The following GRM5 variants were observed in gnomAD, a reference collection of about 807,000 sequenced individuals.
The protein encoded by GRM5 is glutamate metabotropic receptor 5, also known as metabotropic glutamate receptor 5.
In GRM5, 19 loss-of-function variants were observed where a neutral mutation model predicts 83.1. The observed-to-expected ratio is 0.23, with a 90% CI of 0.16 to 0.34. The LOEUF (loss-of-function observed/expected upper bound fraction) is 0.34. GRM5 is among the 10% of genes least tolerant of loss of function. The pLI is 1.00. For missense variants in GRM5, 1,160 were observed against 1,588.3 expected, an observed-to-expected ratio of 0.73 and a Z score of 4.58; for synonymous variants, 675 against 633.6, an observed-to-expected ratio of 1.07 and a Z score of -0.98.
intron 3 of GRM5, among the ~76,000 whole-genome samples, chr11:88,760,610 C>T (rs1313090061): frequency 1.3e-5 from 2 of 152,068 alleles, no homozygotes; most frequent in Non-Finnish European, 2.9e-5. Context: ...TATGGATTCA[C>T]AGCCAAATTC....
At chr11:88,605,030 T>A in intron 4 of GRM5, 66 bp from the exon 5 acceptor site, 1 of 1,312,080 alleles carries the variant, frequency 7.6e-7, no homozygotes, top group Non-Finnish European at 1.1e-6. Context: ...TCCTGGGTAC[T>A]GAATAATGGG....
At chr11:88,823,691 A>G (rs1943843591) in intron 3 of GRM5, among the ~76,000 whole-genome samples, 2 of 152,092 alleles carry the variant, frequency 1.3e-5, no homozygotes, top group African/African-American at 4.8e-5. Flanking sequence ...GCATAGAGAG[A>G]AACTTCTGGC....
chr11:89,040,898 C>T (rs1418258714), intron 2 of GRM5, among the ~76,000 whole-genome samples: 1 of 152,126 alleles, frequency 6.6e-6, no homozygotes, highest in Non-Finnish European at 1.5e-5. Context: ...CTCTTACATG[C>T]TTGCTTAGTT....
chr11:88,938,552 A>ACT (rs1555045039), intron 2 of GRM5, among the ~76,000 whole-genome samples: 1 of 147,784 alleles, frequency 6.8e-6, no homozygotes, highest in Non-Finnish European at 1.5e-5. Context: ...GTATTACTTC[A>ACT]TTTTTTTTTT....
At position 88,509,329 on chromosome 11, in the gene GRM5, C is replaced by A. The variant is rs1941294391; in HGVS notation, c.2902G>T (p.Gly968Cys). The change falls in exon 10 of 10, where the codon GGC becomes TGC. Residue 968 changes from glycine (G) to cysteine (C), a missense_variant. Gly to Cys is a radical substitution (Grantham distance 159). Coordinates refer to ENST00000305447, the MANE Select transcript of GRM5 (RefSeq NM_001143831.3). ...GCCCCCACGCCCCCAGCGCTCCCGC[C>A]TGCGCCAGCGCCAGCGCCCAGGCCA... ...SRGLGAGAGA[G>C]GSAGGVGATG... is the part of the protein sequence containing the mutation. The A allele has an allele frequency of 6.2e-7, 1 of 1,600,356 alleles. No homozygotes were observed. The highest frequency in any genetic ancestry group is 8.5e-7 in the Non-Finnish European group (1 of 1,174,882).
rs757320945 is a variant in GRM5 at position 88,604,840 on chromosome 11, T to G, written c.1272A>C (p.Gly424=). 1.2e-6 allele frequency: 2 copies of G among 1,613,978 alleles called. No homozygotes were observed. The highest frequency in any genetic ancestry group is 2.2e-5 in the East Asian group (1 of 44,872). The part of the protein sequence containing the change: ...MQMSLCPGYA[G]LCDAMKPIDG... ...CAATTGGCTTCATGGCATCACAGAG[T>G]CCTGCATAGCCTGGGCAGAGGGACA... Residue 424 remains glycine, a synonymous_variant, in exon 5 of 10, where the codon GGA becomes GGC. Coordinates refer to ENST00000305447, the MANE Select transcript of GRM5 (RefSeq NM_001143831.3).
chr11:89,032,780 T>G (rs1026368845), intron 2 of GRM5, among the ~76,000 whole-genome samples: 13 of 152,054 alleles, frequency 8.5e-5, no homozygotes, highest in African/African-American at 3.1e-4. Flanking sequence ...CAAGTGTATC[T>G]GAATTCAATG....
intron 2 of GRM5, among the ~76,000 whole-genome samples, chr11:88,883,443 A>G (rs1944993783): frequency 6.6e-6 from 1 of 152,182 alleles, no homozygotes; most frequent in South Asian, 2.1e-4. Flanking sequence ...GGAACTTTCA[A>G]CTTGAGAGAG....
intron 2 of GRM5, among the ~76,000 whole-genome samples, chr11:89,000,588 T>C (rs1432894966): frequency 6.6e-6 from 1 of 152,174 alleles, no homozygotes; most frequent in African/African-American, 2.4e-5. Flanking sequence ...CTTGAAATTA[T>C]TTTAAAATTT....
At chr11:88,681,565 C>CTTTTTT (rs796854617) in intron 3 of GRM5, among the ~76,000 whole-genome samples, 1,550 of 25,366 alleles carry the variant, frequency 0.061, 556 homozygotes, top group Non-Finnish European at 0.095. Context: ...TGAGTTCTTC[C>CTTTTTT]TTTTTTTTTT....
chr11:88,558,618 A>G (rs1050573435), intron 8 of GRM5, among the ~76,000 whole-genome samples: 1 of 151,930 alleles, frequency 6.6e-6, no homozygotes, highest in East Asian at 1.9e-4. Context: ...CCTGGACAAC[A>G]TGGTGAAACC....
intron 2 of GRM5, among the ~76,000 whole-genome samples, chr11:89,019,648 T>C (rs1024253843): frequency 2.0e-5 from 3 of 151,858 alleles, no homozygotes; most frequent in African/African-American, 7.3e-5. Flanking sequence ...GAGACTGCAA[T>C]GAGCCGAGAA....
At chr11:88,601,124 G>GT (rs1352274579) in intron 5 of GRM5, among the ~76,000 whole-genome samples, 42 of 152,178 alleles carry the variant, frequency 2.8e-4, no homozygotes, top group African/African-American at 9.7e-4. Context: ...TGAGATTTGC[G>GT]TATGTCCTTG....
chr11:88,761,058 A>G (rs1196814915), intron 3 of GRM5, among the ~76,000 whole-genome samples: 1 of 152,204 alleles, frequency 6.6e-6, no homozygotes, highest in Admixed American at 6.5e-5. Flanking sequence ...ACATAAAACA[A>G]TAAGAGTCAT....
In GRM5 at chr11:88,567,333, T is replaced by A; in HGVS notation, c.2350A>T (p.Ile784Leu). 1 of 1,614,172 alleles carries A rather than the reference T, an allele frequency of 6.2e-7. No individual in the cohort carries two copies. Residue 784 changes from isoleucine to leucine, a missense_variant, in exon 8 of 10, where the codon ATA (isoleucine) becomes TTA (leucine). Ile to Leu is a conservative substitution (Grantham distance 5, BLOSUM62 2). Transcript: ENST00000305447. This position sits in a 1 kb window ranked among gnomAD's most constrained non-coding sequence, Gnocchi z 7.3. ...TAGATTGGCACAAAAGCTAGCCATA[T>A]AATGCAGGTCGTGTACATTGTGAAG... Reference protein sequence around the residue: ...IAFTMYTTCIIWLAFVPIYFG... With the variant: ...IAFTMYTTCILWLAFVPIYFG...
chr11:89,003,963 T>G (rs1940457647), intron 2 of GRM5, among the ~76,000 whole-genome samples: 1 of 152,084 alleles, frequency 6.6e-6, no homozygotes. Flanking sequence ...ATTCTAAAGC[T>G]GAACTGGAAA....
At chr11:88,545,492 C>A (rs1819467630) in intron 8 of GRM5, among the ~76,000 whole-genome samples, 1 of 149,488 alleles carries the variant, frequency 6.7e-6, no homozygotes. Flanking sequence ...TAGTCTGAAC[C>A]TTTCTTTGAG....
intron 9 of GRM5, among the ~76,000 whole-genome samples, chr11:88,517,128 TACACACACACAC>T (rs60251358): frequency 2.5e-4 from 37 of 148,072 alleles, no homozygotes; most frequent in South Asian, 1.1e-3. Context: ...TTGGCTTCTG[TACACACACACAC>T]ACACACACAC....
chr11:88,757,814 CAAA>C (rs1281937743), intron 3 of GRM5, among the ~76,000 whole-genome samples: 2 of 152,168 alleles, frequency 1.3e-5, no homozygotes, highest in African/African-American at 4.8e-5. Context: ...CATAGCCCTA[CAAA>C]ATGCTTTGGC....
Sources: gnomAD v4.1 joint callset for allele counts (sites outside exome capture counted in the v4.1 genomes callset) on GRCh38, gnomAD v4.1.1 for gene constraint, Gnocchi (gnomAD v3.1) non-coding constraint, MANE v1.5 for transcripts, NCBI Gene and HGNC (gene_info 2026-07-23, HGNC 2026-07-21) for gene names.